Variants in APBA2 observed in about 807,000 individuals in gnomAD.
The protein encoded by APBA2 is amyloid-beta A4 precursor protein-binding family A member 2.
A neutral mutation model predicts 75.0 loss-of-function variants in APBA2; 30 were observed. The ratio of observed to expected loss-of-function variants is 0.40; its 90% confidence interval spans 0.30 to 0.54. APBA2 has a LOEUF of 0.54. Ranked by LOEUF, APBA2 falls within the 20% of genes least tolerant of loss-of-function variation. The pLI is 0.49. For synonymous variants in APBA2, 444 were observed against 409.6 expected (o/e 1.08, Z -1.01); for missense variants, 801 against 1,016.1 (o/e 0.79, Z 2.88).
intron 3 of APBA2, among the ~76,000 whole-genome samples, chr15:29,023,128 G>GA (rs1413156922): frequency 7.2e-5 from 11 of 152,000 alleles, no homozygotes; most frequent in Non-Finnish European, 1.0e-4. Context: ...AATATTGTCT[G>GA]AAAAAAATGC....
intron 10 of APBA2, 91 bp from the exon 11 acceptor site, chr15:29,105,288 C>G (rs549581705): frequency 3.0e-6 from 4 of 1,333,680 alleles, no homozygotes; most frequent in South Asian, 2.5e-5. Context: ...TGGGTGCATC[C>G]TGCACCCAGC....
intron 4 of APBA2, among the ~76,000 whole-genome samples, chr15:29,064,515 CTT>C (rs1018033507): frequency 3.3e-5 from 5 of 152,320 alleles, no homozygotes; most frequent in African/African-American, 1.2e-4. Context: ...TCCAGGCAGG[CTT>C]CCAGGACAGG....
At chr15:29,097,313 C>G (rs983571439) in intron 8 of APBA2, among the ~76,000 whole-genome samples, 5 of 152,250 alleles carry the variant, frequency 3.3e-5, no homozygotes, top group African/African-American at 9.6e-5. Flanking sequence ...GCAGGAGGGG[C>G]TGTGGCGACA....
At chr15:28,937,476 G>A (rs1312619998) in intron 2 of APBA2, among the ~76,000 whole-genome samples, 3 of 152,006 alleles carry the variant, frequency 2.0e-5, no homozygotes, top group Non-Finnish European at 4.4e-5. Flanking sequence ...GCTGCTCTGG[G>A]GAGCTGTGCC....
intron 4 of APBA2, among the ~76,000 whole-genome samples, chr15:29,062,239 G>A (rs2152903556): frequency 6.6e-6 from 1 of 152,254 alleles, no homozygotes; most frequent in Middle Eastern, 3.4e-3. Context: ...GTCAGGCCTA[G>A]CACTCCTGCT....
intron 4 of APBA2, among the ~76,000 whole-genome samples, chr15:29,056,586 C>CTCCG (rs1158339721): frequency 3.5e-3 from 3 of 856 alleles, no homozygotes; most frequent in Non-Finnish European, 8.1e-3. Flanking sequence ...TCCTCCCTCC[C>CTCCG]TCCCTCCCTC....
At chr15:29,072,206 T>TG (rs1433049896) in intron 4 of APBA2, among the ~76,000 whole-genome samples, 3 of 152,164 alleles carry the variant, frequency 2.0e-5, no homozygotes, top group Non-Finnish European at 2.9e-5. Flanking sequence ...TTGATTTCTT[T>TG]GGGGTTTTTT....
intron 3 of APBA2, among the ~76,000 whole-genome samples, chr15:29,029,678 G>A (rs1394721023): frequency 6.6e-6 from 1 of 152,036 alleles, no homozygotes; most frequent in African/African-American, 2.4e-5. Flanking sequence ...GAGGGAGGGG[G>A]ACCTAAGCAG....
At chr15:28,959,129 C>T (rs977872915) in intron 2 of APBA2, among the ~76,000 whole-genome samples, 1 of 152,124 alleles carries the variant, frequency 6.6e-6, no homozygotes, top group Non-Finnish European at 1.5e-5. Flanking sequence ...GCTGGGACTG[C>T]AGGTGCATGC....
At chr15:29,004,142 C>G (rs984865822) in intron 3 of APBA2, among the ~76,000 whole-genome samples, 2 of 152,168 alleles carry the variant, frequency 1.3e-5, no homozygotes, top group Non-Finnish European at 2.9e-5. Flanking sequence ...GACTGAGGCC[C>G]AGGCTTTTGT....
chr15:28,894,970 C>T (rs2032378832), intron 1 of APBA2, among the ~76,000 whole-genome samples: 1 of 152,126 alleles, frequency 6.6e-6, no homozygotes, highest in African/African-American at 2.4e-5. Context: ...CTCCAGAGCC[C>T]GCTCCCTATG....
chr15:28,901,603 G>A (rs866176872), intron 1 of APBA2, among the ~76,000 whole-genome samples: 3 of 152,044 alleles, frequency 2.0e-5, no homozygotes, highest in Non-Finnish European at 4.4e-5. Flanking sequence ...GGGGGGTGGC[G>A]CTTTGTTTAT....
chr15:28,886,570 G>C (rs1323577543), intron 1 of APBA2, among the ~76,000 whole-genome samples: 1 of 151,926 alleles, frequency 6.6e-6, no homozygotes, highest in Non-Finnish European at 1.5e-5. Flanking sequence ...GGGGCACCGC[G>C]GCAAGGGGCC....
At chr15:28,887,342 T>C (rs1230919033) in intron 1 of APBA2, among the ~76,000 whole-genome samples, 1 of 152,196 alleles carries the variant, frequency 6.6e-6, no homozygotes, top group Non-Finnish European at 1.5e-5. Context: ...CTGTTTTCCT[T>C]CCTCTTTGAG....
chr15:29,076,148 A>G, intron 6 of APBA2, 57 bp downstream of exon 6: 1 of 1,575,856 alleles, frequency 6.3e-7, no homozygotes, highest in Non-Finnish European at 8.7e-7. Context: ...ATCAAAATAA[A>G]TGGTGCTTTT....
In APBA2 at chr15:28,886,226, C is replaced by G. The variant is rs2031705950; in HGVS notation, c.-257C>G. On this transcript the variant is annotated 5_prime_UTR_variant, in exon 1 of 15. Transcript: ENST00000683413. ...AGCTCGGCCTCGCGGACTGAGCCGG[C>G]GGCAGCGGGGCGGGGACGGCGGCGT... 6.6e-6 allele frequency: 1 copy of G among 150,764 alleles called. No individual in the cohort carries two copies. The highest frequency in any genetic ancestry group is 2.4e-5 in the African/African-American group (1 of 41,248). The allele number at this position is 150,764 out of a possible 1,614,324, so 9.3% of individuals were successfully genotyped here.
At chr15:29,076,416 G>A (rs950770129) in intron 6 of APBA2, among the ~76,000 whole-genome samples, 7 of 150,808 alleles carry the variant, frequency 4.6e-5, no homozygotes, top group Non-Finnish European at 8.8e-5. Flanking sequence ...TAACACTTCT[G>A]ATCAGGGTGG....
intron 3 of APBA2, among the ~76,000 whole-genome samples, chr15:29,002,580 C>T (rs1256511095): frequency 6.6e-6 from 1 of 151,418 alleles, no homozygotes; most frequent in Non-Finnish European, 1.5e-5. Flanking sequence ...GAGTGGGGGG[C>T]TGCAGGGAGA....
intron 3 of APBA2, among the ~76,000 whole-genome samples, chr15:29,031,563 C>G (rs7177468): frequency 1.3e-5 from 2 of 151,898 alleles, no homozygotes; most frequent in Non-Finnish European, 2.9e-5. Context: ...TCTGCCTCCC[C>G]GGTTCAAGTG....
Sources: gnomAD v4.1 joint callset for allele counts (sites outside exome capture counted in the v4.1 genomes callset) on GRCh38, gnomAD v4.1.1 for gene constraint, MANE v1.5 for transcripts, NCBI Gene and HGNC (gene_info 2026-07-23, HGNC 2026-07-21) for gene names.